Variants in GRM1 observed in about 807,000 individuals in gnomAD.
GRM1 encodes the protein metabotropic glutamate receptor 1.
In GRM1, 33 loss-of-function variants were observed where a neutral mutation model predicts 90.9. The ratio of observed to expected loss-of-function variants is 0.36; its 90% CI spans 0.28 to 0.49. The LOEUF (loss-of-function observed/expected upper bound fraction) is 0.49. Ranked by LOEUF, GRM1 falls within the 20% of genes least tolerant of loss-of-function variation. The pLI is 0.99. For missense variants in GRM1, 1,190 were observed against 1,534.3 expected (o/e 0.78, Z 3.75); for synonymous variants, 700 against 613.2 (o/e 1.14, Z -2.09).
At chr6:146,087,022 A>C (rs755354340) in intron 1 of GRM1, among the ~76,000 whole-genome samples, 1 of 152,108 alleles carries the variant, frequency 6.6e-6, no homozygotes, top group Non-Finnish European at 1.5e-5. Flanking sequence ...CTTTCGTCTG[A>C]AATTCTAAGA....
In GRM1 at chr6:146,434,416, C is replaced by A. The variant is rs1234992505; in HGVS notation, c.3205C>A (p.Pro1069Thr). The A allele has an allele frequency of 3.1e-6, 5 of 1,613,544 alleles. No individual in the cohort carries two copies. Among genetic ancestry groups the A allele is most frequent in the Non-Finnish European group, 4.2e-6 (5 of 1,179,818 alleles). ...GNGLRSLYPP[P>T]PPPQHLQMLP... Reference sequence around the variant, plus strand: ...CGGGCTGCGGTCCCTGTACCCGCCCCCGCCACCTCCGCAGCACCTGCAGAT... The same window carrying A: ...CGGGCTGCGGTCCCTGTACCCGCCCACGCCACCTCCGCAGCACCTGCAGAT... Residue 1069 changes from proline to threonine, a missense_variant, in exon 8 of 8, where the codon CCG (proline) becomes ACG (threonine). Pro to Thr is a conservative substitution (Grantham distance 38, BLOSUM62 -1). Around this residue, in one of 10 missense-constraint regions of GRM1, gnomAD observed 400 missense variants for 360.8 expected, o/e 1.11. Transcript: ENST00000282753.
intron 3 of GRM1, among the ~76,000 whole-genome samples, chr6:146,311,823 T>A (rs1328403769): frequency 6.6e-6 from 1 of 152,214 alleles, no homozygotes; most frequent in Non-Finnish European, 1.5e-5. Flanking sequence ...TAGGTAACAA[T>A]ACTTTGTTAA....
Position 146,433,952 on chromosome 6 carries a change from C to G in GRM1, c.2741C>G (p.Ser914Cys), listed in dbSNP as rs1323651182. The G allele has an allele frequency of 6.2e-7, 1 of 1,613,988 alleles. No individual in the cohort carries two copies. Among genetic ancestry groups the G allele is most frequent in the South Asian group, 1.1e-5 (1 of 91,076 alleles). Reference sequence around the variant, plus strand: ...GGACAGCATATGTGGCACCGCCTCTCTGTGCACGTGAAGACCAATGAGACG... The same window carrying G: ...GGACAGCATATGTGGCACCGCCTCTGTGTGCACGTGAAGACCAATGAGACG... ...PKGQHMWHRL[S>C]VHVKTNETAC... Residue 914 changes from serine to cysteine, a missense_variant, in exon 8 of 8, where the codon TCT becomes TGT. This residue lies in a region of GRM1 where 400 missense variants were observed against 360.8 expected (regional missense o/e 1.11). Transcript: ENST00000282753.
At chr6:146,135,306 C>T (rs1776578932) in intron 1 of GRM1, among the ~76,000 whole-genome samples, 1 of 152,182 alleles carries the variant, frequency 6.6e-6, no homozygotes. Flanking sequence ...TATCACCATT[C>T]TGCAATGCTA....
intron 1 of GRM1, among the ~76,000 whole-genome samples, chr6:146,111,735 G>A (rs1038141954): frequency 6.6e-6 from 1 of 152,128 alleles, no homozygotes. Context: ...TATCATGTGG[G>A]GATTTTAAGC....
chr6:146,302,199 C>T (rs1434657807), intron 2 of GRM1, among the ~76,000 whole-genome samples: 1 of 151,440 alleles, frequency 6.6e-6, no homozygotes, highest in Non-Finnish European at 1.5e-5. Context: ...AAGCCTGACT[C>T]CTCTTTTGGG....
chr6:146,098,816 TCTC>T (rs1435142490), intron 1 of GRM1, among the ~76,000 whole-genome samples: 1 of 152,072 alleles, frequency 6.6e-6, no homozygotes, highest in Admixed American at 6.6e-5. Flanking sequence ...TCTTGGCACT[TCTC>T]CTTCCTGCCA....
intron 1 of GRM1, among the ~76,000 whole-genome samples, chr6:146,100,935 G>A (rs1420024409): frequency 2.0e-5 from 3 of 152,018 alleles, no homozygotes; most frequent in Admixed American, 1.3e-4. Flanking sequence ...CTGTTTTTAG[G>A]GAAAAAATGT....
chr6:146,130,864 T>C (rs900747060), intron 1 of GRM1, among the ~76,000 whole-genome samples: 3 of 152,132 alleles, frequency 2.0e-5, no homozygotes, highest in Non-Finnish European at 4.4e-5. Flanking sequence ...GCACGAAAAT[T>C]TATCTACCAT....
At chr6:146,075,370 A>G (rs552252688) in intron 1 of GRM1, among the ~76,000 whole-genome samples, 15 of 152,212 alleles carry the variant, frequency 9.9e-5, no homozygotes, top group Non-Finnish European at 1.9e-4. Context: ...AGTGAACAAA[A>G]TTGTTTGTCC....
intron 1 of GRM1, among the ~76,000 whole-genome samples, chr6:146,037,884 C>A (rs1039549693): frequency 1.3e-5 from 2 of 151,990 alleles, no homozygotes; most frequent in African/African-American, 4.8e-5. Flanking sequence ...TTTGCTCCCA[C>A]CTCACCTGCT....
intron 2 of GRM1, among the ~76,000 whole-genome samples, chr6:146,195,516 C>G (rs558776516): frequency 2.8e-4 from 43 of 152,116 alleles, no homozygotes; most frequent in African/African-American, 9.9e-4. Flanking sequence ...GCAGGCAAAG[C>G]CTCTTCTCTT....
At chr6:146,235,826 T>C (rs531911344) in intron 2 of GRM1, among the ~76,000 whole-genome samples, 12 of 152,060 alleles carry the variant, frequency 7.9e-5, no homozygotes, top group African/African-American at 2.9e-4. Flanking sequence ...TCTGATCATG[T>C]CTGTTGTCCA....
intron 1 of GRM1, among the ~76,000 whole-genome samples, chr6:146,048,346 T>C (rs1253195429): frequency 1.3e-5 from 2 of 152,066 alleles, no homozygotes; most frequent in African/African-American, 4.8e-5. Flanking sequence ...AAGAGATGCA[T>C]GTTCTTACTG....
chr6:146,112,987 T>C (rs1322644468), intron 1 of GRM1, among the ~76,000 whole-genome samples: 3 of 152,206 alleles, frequency 2.0e-5, no homozygotes, highest in African/African-American at 7.2e-5. Context: ...AACCCAGTAT[T>C]TTGTATTATT....
intron 1 of GRM1, among the ~76,000 whole-genome samples, chr6:146,035,969 C>T (rs1261266403): frequency 6.6e-6 from 1 of 151,964 alleles, no homozygotes; most frequent in Admixed American, 6.6e-5. Flanking sequence ...CCTGTGACTA[C>T]GTTTATCTTG....
chr6:146,433,946 G>T lies in GRM1; in HGVS notation c.2735G>T (p.Arg912Leu). The T allele has an allele frequency of 6.2e-7, 1 of 1,613,762 alleles. No individual in the cohort carries two copies. Among genetic ancestry groups the T allele is most frequent in the Non-Finnish European group, 8.5e-7 (1 of 1,179,678 alleles). The change falls in exon 8 of 8, where the codon CGC (arginine) becomes CTC (leucine). Residue 912 changes from arginine to leucine, a missense_variant. Around this residue, in one of 10 missense-constraint regions of GRM1, gnomAD observed 400 missense variants for 360.8 expected, o/e 1.11. Transcript: ENST00000282753. Reference protein sequence around the residue: ...QVPKGQHMWHRLSVHVKTNET... With the variant: ...QVPKGQHMWHLLSVHVKTNET... Reference sequence around the variant, plus strand: ...CCCAAGGGACAGCATATGTGGCACCGCCTCTCTGTGCACGTGAAGACCAAT... The same window carrying T: ...CCCAAGGGACAGCATATGTGGCACCTCCTCTCTGTGCACGTGAAGACCAAT...
intron 2 of GRM1, among the ~76,000 whole-genome samples, chr6:146,285,268 C>G (rs1782716710): frequency 6.6e-6 from 1 of 152,198 alleles, no homozygotes; most frequent in Non-Finnish European, 1.5e-5. Context: ...AACATCACTG[C>G]TATCCACCTG....
chr6:146,167,119 T>C (rs117997965), intron 2 of GRM1, among the ~76,000 whole-genome samples: 2,190 of 152,242 alleles, frequency 0.014, 27 homozygotes, highest in Middle Eastern at 0.041. Flanking sequence ...TTCTAGAATT[T>C]CACATAGAAG....
Sources: allele counts gnomAD v4.1 joint callset (sites outside exome capture counted in the v4.1 genomes callset), GRCh38; gene constraint gnomAD v4.1.1; regional missense constraint gnomAD v4.1.1; transcripts MANE v1.5; gene names NCBI Gene and HGNC (gene_info 2026-07-23, HGNC 2026-07-21).